Variants in SRGAP3 observed in about 807,000 individuals in gnomAD.
SRGAP3 encodes SLIT-ROBO Rho GTPase-activating protein 3.
A neutral mutation model predicts 121.1 loss-of-function variants in SRGAP3; 39 were observed. That is an observed-to-expected ratio of 0.32 (90% CI 0.25 to 0.42). SRGAP3 has a LOEUF of 0.42. Among genes scored for constraint, SRGAP3 ranks in the 10% least tolerant of loss-of-function variants. The pLI, the probability that SRGAP3 is intolerant of heterozygous loss-of-function variation, is 1.00. For synonymous variants in SRGAP3, 601 were observed against 570.0 expected (o/e 1.05, Z -0.77); for missense variants, 1,213 against 1,470.6 (o/e 0.82, Z 2.86).
intron 1 of SRGAP3, among the ~76,000 whole-genome samples, chr3:9,220,075 A>G (rs990040999): frequency 1.3e-5 from 2 of 152,152 alleles, no homozygotes; most frequent in African/African-American, 4.8e-5. Flanking sequence ...TAATGGGTAC[A>G]AACATATATT....
At chr3:9,129,724 G>A (rs1396319789) in intron 1 of SRGAP3, among the ~76,000 whole-genome samples, 1 of 151,844 alleles carries the variant, frequency 6.6e-6, no homozygotes, top group Non-Finnish European at 1.5e-5. Flanking sequence ...GCACATAATA[G>A]GTCATCAGGA....
intron 3 of SRGAP3, among the ~76,000 whole-genome samples, chr3:9,289,270 T>C (rs543863950): frequency 6.6e-6 from 1 of 152,354 alleles, no homozygotes; most frequent in South Asian, 2.1e-4. Context: ...AATACTTCTT[T>C]TATATTCTGT....
intron 1 of SRGAP3, chr3:9,217,712 T>C (rs1252333956): frequency 2.0e-5 from 3 of 152,142 alleles, no homozygotes; most frequent in African/African-American, 7.2e-5. Flanking sequence ...AATGTCTACA[T>C]TGTCCTTATT....
At chr3:9,251,953 G>C (rs1406532681), upstream of SRGAP3, among the ~76,000 whole-genome samples, 1 of 152,180 alleles carries the variant, frequency 6.6e-6, no homozygotes, top group Non-Finnish European at 1.5e-5. Flanking sequence ...CACGATCATG[G>C]ATTTAAAGTG....
intron 1 of SRGAP3, among the ~76,000 whole-genome samples, chr3:9,126,500 G>T (rs1295331831): frequency 6.6e-6 from 1 of 152,062 alleles, no homozygotes; most frequent in Non-Finnish European, 1.5e-5. Flanking sequence ...CATAGTGGCA[G>T]GCGCCTGGAG....
intron 8 of SRGAP3, 99 bp downstream of exon 8, chr3:9,056,134 A>AACT: frequency 1.9e-6 from 2 of 1,035,612 alleles, no homozygotes; most frequent in Non-Finnish European, 3.0e-6. Flanking sequence ...TTATAAGTGG[A>AACT]ACTATCATTT....
At chr3:9,262,998 G>T (rs891919655) in intron 3 of SRGAP3, among the ~76,000 whole-genome samples, 1 of 152,104 alleles carries the variant, frequency 6.6e-6, no homozygotes, top group African/African-American at 2.4e-5. Context: ...AAATGCAAAA[G>T]AATGGAAATC....
chr3:9,199,810 C>T (rs7613547), intron 1 of SRGAP3, among the ~76,000 whole-genome samples: 3 of 152,156 alleles, frequency 2.0e-5, no homozygotes, highest in Admixed American at 6.5e-5. Flanking sequence ...CATTCTTTCT[C>T]GACATACCAA....
At chr3:9,269,811 T>C (rs1241993219) in intron 3 of SRGAP3, among the ~76,000 whole-genome samples, 1 of 151,898 alleles carries the variant, frequency 6.6e-6, no homozygotes, top group Admixed American at 6.6e-5. Context: ...TGTCATGGCA[T>C]AGTAATGTTT....
chr3:9,102,604 C>T (rs73017408), intron 3 of SRGAP3, among the ~76,000 whole-genome samples: 7,387 of 152,316 alleles, frequency 0.048, 269 homozygotes, highest in Non-Finnish European at 0.076. Flanking sequence ...ACAAAGGGGC[C>T]GTGCTGTGCA....
intron 1 of SRGAP3, among the ~76,000 whole-genome samples, chr3:9,179,939 C>CG (rs934403429): frequency 2.6e-5 from 4 of 152,212 alleles, no homozygotes; most frequent in African/African-American, 7.2e-5. Context: ...GCCAGATGCC[C>CG]GGTCAATACT....
intron 1 of SRGAP3, among the ~76,000 whole-genome samples, chr3:9,247,956 G>T (rs1373485424): frequency 6.6e-6 from 1 of 152,230 alleles, no homozygotes; most frequent in Non-Finnish European, 1.5e-5. Flanking sequence ...AGTCTGGCCT[G>T]AATGAGGATG....
In SRGAP3 at chr3:9,241,015, C is replaced by A. The variant is rs564789212; in HGVS notation, c.67+7870G>T. 2.0e-4 allele frequency among the ~76,000 whole-genome samples: 30 copies of A among 152,220 alleles called. 1 individual carries two copies. In the South Asian group the frequency reaches 5.8e-3, roughly 30 times the overall value. ...CCACACTTCCCCCACTGAAGGAACC[C>A]CTTGTTGCCTTGGCATGCATGTTGC... On this transcript the variant is annotated intron_variant, in intron 1 of 21. Transcript: ENST00000383836.
chr3:9,118,620 C>T (rs1164432091), intron 2 of SRGAP3, among the ~76,000 whole-genome samples: 5 of 152,204 alleles, frequency 3.3e-5, no homozygotes, highest in African/African-American at 1.2e-4. Context: ...CCCAGAAAAA[C>T]ATCAGACTGG....
intron 1 of SRGAP3, among the ~76,000 whole-genome samples, chr3:9,339,325 A>C (rs543288625): frequency 1.3e-5 from 2 of 152,388 alleles, no homozygotes; most frequent in East Asian, 3.9e-4. Context: ...TGGCAAAAGA[A>C]GCAGGCATGG....
intron 14 of SRGAP3, among the ~76,000 whole-genome samples, chr3:9,020,584 C>T (rs1237573513): frequency 6.6e-6 from 1 of 152,174 alleles, no homozygotes; most frequent in African/African-American, 2.4e-5. Context: ...GCATGATTCG[C>T]ATATTGACTT....
rs1286302996 is a variant in SRGAP3, at chr3:9,249,468, T to C, written c.-517A>G. On this transcript the variant is annotated 5_prime_UTR_variant, in exon 1 of 22. Coordinates refer to ENST00000383836, the MANE Select transcript of SRGAP3 (RefSeq NM_014850.4). ...CCTCTTTGGTCGTGCAGCCAGCCCC[T>C]GGCTTGCTTTTGAAGGCTCTGCTAA... 1 of 249,240 alleles carries C rather than the reference T, an allele frequency of 4.0e-6. No homozygotes were observed. Among genetic ancestry groups the C allele is most frequent in the East Asian group, 5.7e-5 (1 of 17,512 alleles). The allele number at this position is 249,240 out of a possible 1,614,324, so 15.4% of individuals were successfully genotyped here.
chr3:9,125,632 C>A (rs1257029013), intron 1 of SRGAP3, among the ~76,000 whole-genome samples: 1 of 152,198 alleles, frequency 6.6e-6, no homozygotes, highest in Non-Finnish European at 1.5e-5. Context: ...GCAACCAGGG[C>A]AACAATTCAA....
At chr3:9,072,332 C>T (rs558517104) in intron 4 of SRGAP3, among the ~76,000 whole-genome samples, 1 of 152,350 alleles carries the variant, frequency 6.6e-6, no homozygotes, top group South Asian at 2.1e-4. Flanking sequence ...CTTCCATGTT[C>T]CCACACACTG....
Sources: gnomAD v4.1 joint callset for allele counts (sites outside exome capture counted in the v4.1 genomes callset) on GRCh38, gnomAD v4.1.1 for gene constraint, MANE v1.5 for transcripts, NCBI Gene and HGNC (gene_info 2026-07-23, HGNC 2026-07-21) for gene names.